The following KRTAP4-2 variants were observed in gnomAD, a reference collection of about 807,000 sequenced individuals.
KRTAP4-2 encodes keratin-associated protein 4-2.
For missense variants in KRTAP4-2, 178 were observed against 177.3 expected (o/e 1.00, Z -0.02); for synonymous variants, 56 against 63.5 (o/e 0.88, Z 0.56).
chr17:41,177,713 G>A lies in KRTAP4-2; in HGVS notation c.*41C>T, dbSNP rs746246443. The stretch of plus-strand genomic sequence containing the variant: ...TCAGTTCACAGGTGGATCATATCAA[G>A]AATGCTGGTTAATAAAGGCAGGTGA... On this transcript the variant is annotated 3_prime_UTR_variant, in exon 1 of 1. Coordinates refer to ENST00000377726, the MANE Select transcript of KRTAP4-2 (RefSeq NM_033062.4). 1 of 1,594,608 alleles carries A rather than the reference G, an allele frequency of 6.3e-7. No individual in the cohort carries two copies. Among genetic ancestry groups the A allele is most frequent in the East Asian group, 2.2e-5 (1 of 44,738 alleles).
At position 41,178,008 on chromosome 17, in the gene KRTAP4-2, A is replaced by C. The variant is rs1011388570; in HGVS notation, c.157T>G (p.Ser53Ala). The change falls in exon 1 of 1, where the codon TCT becomes GCT. Residue 53 changes from serine (S) to alanine (A), a missense_variant. Coordinates refer to ENST00000377726, the MANE Select transcript of KRTAP4-2 (RefSeq NM_033062.4). Reference protein sequence around the residue: ...SSCCRPQCCQSVCCQPTCCSP... With the variant: ...SSCCRPQCCQAVCCQPTCCSP... ...CAGCAGGTGGGCTGGCAGCACACAG[A>C]CTGGCAGCACTGCGGTCTGCAGCAG... 1 of 1,602,574 alleles carries C rather than the reference A, an allele frequency of 6.2e-7. No homozygotes were observed.
rs533654277 is a variant in KRTAP4-2 at position 41,177,945 on chromosome 17, T to C, written c.220A>G (p.Thr74Ala). ...SCCQTTCCRT[T>A]CCRPSCCVSS... Reference sequence around the variant, plus strand: ...ACACAGCAGCTGGGACGGCAGCAGGTGGTCCTGCAGCAAGTGGTCTGGCAG... The same window carrying C: ...ACACAGCAGCTGGGACGGCAGCAGGCGGTCCTGCAGCAAGTGGTCTGGCAG... Residue 74 changes from threonine (T) to alanine (A), a missense_variant, in exon 1 of 1, where the codon ACC (threonine) becomes GCC (alanine). Physicochemically the swap from Thr to Ala is moderately conservative, Grantham distance 58. Coordinates refer to ENST00000377726, the MANE Select transcript of KRTAP4-2 (RefSeq NM_033062.4). The C allele has an allele frequency of 6.2e-7, 1 of 1,612,238 alleles. No individual in the cohort carries two copies. Among genetic ancestry groups the C allele is most frequent in the East Asian group, 2.2e-5 (1 of 44,828 alleles).
Position 41,177,833 on chromosome 17 carries a change from C to G in KRTAP4-2, c.332G>C (p.Cys111Ser). 1 of 1,610,906 alleles carries G rather than the reference C, an allele frequency of 6.2e-7. No homozygotes were observed. Among genetic ancestry groups the G allele is most frequent in the Non-Finnish European group, 8.5e-7 (1 of 1,179,110 alleles). The change falls in exon 1 of 1, where the codon TGC (cysteine) becomes TCC (serine). Residue 111 changes from cysteine (C) to serine (S), a missense_variant. Transcript: ENST00000377726. ...GCTGGGGCGGTAGCAGGTGGTCCTG[C>G]AGCAGGTGGTCTGGCCACAGCTGGG... Reference protein sequence around the residue: ...CRPSCGQTTCCRTTCYRPSCC... With the variant: ...CRPSCGQTTCSRTTCYRPSCC...
chr17:41,178,021 C>T lies in KRTAP4-2; in HGVS notation c.144G>A (p.Pro48=), dbSNP rs201015994. The change falls in exon 1 of 1, where the codon CCG becomes CCA. Residue 48 remains proline, a synonymous_variant. Transcript: ENST00000377726. The part of the protein sequence containing the change: ...PSCCVSSCCR[P]QCCQSVCCQP... The stretch of plus-strand genomic sequence containing the variant: ...GGCAGCACACAGACTGGCAGCACTG[C>T]GGTCTGCAGCAGCTGGACACACAGC... 9.8e-6 allele frequency: 15 copies of T among 1,524,898 alleles called. No homozygotes were observed. Among genetic ancestry groups the T allele is most frequent in the Admixed American group, 4.1e-5 (2 of 49,218 alleles). The allele number at this position is 1,524,898 out of a possible 1,614,324, so 94.5% of individuals were successfully genotyped here.
In KRTAP4-2 at chr17:41,177,511, T is replaced by C; in HGVS notation, c.*243A>G. The C allele has an allele frequency of 4.8e-6, 3 of 622,650 alleles. No individual in the cohort carries two copies. Among genetic ancestry groups the C allele is most frequent in the Non-Finnish European group, 5.4e-6 (2 of 369,552 alleles). The allele number at this position is 622,650 out of a possible 1,614,324, so 38.6% of individuals were successfully genotyped here. A position where few individuals can be genotyped will look rare whatever the true frequency, so the allele number is the denominator to read the frequency against. ...AGGAATAGCTCCATGTGATAAATTATGGTAGAGAGCAAATATTTCAATTCA... is the reference window on the plus strand; with the variant it reads ...AGGAATAGCTCCATGTGATAAATTACGGTAGAGAGCAAATATTTCAATTCA... On this transcript the variant is annotated 3_prime_UTR_variant, in exon 1 of 1. Transcript: ENST00000377726.
In KRTAP4-2 at chr17:41,177,748, AG is replaced by A; in HGVS notation, c.*5del. The A allele has an allele frequency of 6.2e-7, 1 of 1,612,400 alleles. No homozygotes were observed. Among genetic ancestry groups the A allele is most frequent in the Non-Finnish European group, 8.5e-7 (1 of 1,179,146 alleles). The stretch of plus-strand genomic sequence containing the variant: ...TAATAAAGGCAGGTGAGTATAGGTG[AG>A]GGCATCAGCAGCAAGAGCCACTAGA... On this transcript the variant is annotated 3_prime_UTR_variant, in exon 1 of 1. Transcript: ENST00000377726.
Position 41,177,715 on chromosome 17 carries a change from A to T in KRTAP4-2, c.*39T>A. ...AGTTCACAGGTGGATCATATCAAGA[A>T]TGCTGGTTAATAAAGGCAGGTGAGT... On this transcript the variant is annotated 3_prime_UTR_variant, in exon 1 of 1. Transcript: ENST00000377726. 1 of 1,596,372 alleles carries T rather than the reference A, an allele frequency of 6.3e-7. No individual in the cohort carries two copies. Among genetic ancestry groups the T allele is most frequent in the South Asian group, 1.1e-5 (1 of 87,844 alleles).
chr17:41,178,097 G>A lies in KRTAP4-2; in HGVS notation c.68C>T (p.Pro23Leu). 6.2e-7 allele frequency: 1 copy of A among 1,614,164 alleles called. No individual in the cohort carries two copies. Among genetic ancestry groups the A allele is most frequent in the South Asian group, 1.1e-5 (1 of 91,082 alleles). ...GCAGCAGGTGGTCTGGCAGCAGCTG[G>A]GACGGCAGCAGTTCTCTAGGCCACA... ...QGCGLENCCR[P>L]SCCQTTCCRT... Residue 23 changes from proline to leucine, a missense_variant, in exon 1 of 1, where the codon CCC becomes CTC. Physicochemically the swap from Pro to Leu is moderately conservative, Grantham distance 98. Coordinates refer to ENST00000377726, the MANE Select transcript of KRTAP4-2 (RefSeq NM_033062.4).
In KRTAP4-2 at chr17:41,178,129, G is replaced by C. The variant is rs533545964; in HGVS notation, c.36C>G (p.Asp12Glu). 4 of 1,613,988 alleles carry C rather than the reference G, an allele frequency of 2.5e-6. No individual in the cohort carries two copies. Among genetic ancestry groups the C allele is most frequent in the East Asian group, 4.5e-5 (2 of 44,882 alleles). ...VNSCCGSVCS[D>E]QGCGLENCCR... is the part of the protein sequence containing the mutation. Reference sequence around the variant, plus strand: ...AGCAGTTCTCTAGGCCACAGCCCTGGTCAGAGCACACAGAGCCACAACAGG... The same window carrying C: ...AGCAGTTCTCTAGGCCACAGCCCTGCTCAGAGCACACAGAGCCACAACAGG... The change falls in exon 1 of 1, where the codon GAC becomes GAG. Residue 12 changes from aspartate (D) to glutamate (E), a missense_variant. Coordinates refer to ENST00000377726, the MANE Select transcript of KRTAP4-2 (RefSeq NM_033062.4).
Position 41,177,901 on chromosome 17 carries a change from G to T in KRTAP4-2, c.264C>A (p.Pro88=). 6.4e-7 allele frequency: 1 copy of T among 1,573,876 alleles called. No homozygotes were observed. Among genetic ancestry groups the T allele is most frequent in the Non-Finnish European group, 8.6e-7 (1 of 1,159,510 alleles). The part of the protein sequence containing the change: ...PSCCVSSCFR[P]QCCQSVYCQP... ...GGCAGTACACAGACTGGCAGCACTGGGGTCTGAAGCAGCTGGACACACAGC... is the reference window on the plus strand; with the variant it reads ...GGCAGTACACAGACTGGCAGCACTGTGGTCTGAAGCAGCTGGACACACAGC... Residue 88 remains proline, a synonymous_variant, in exon 1 of 1, where the codon CCC becomes CCA. Coordinates refer to ENST00000377726, the MANE Select transcript of KRTAP4-2 (RefSeq NM_033062.4).
chr17:41,178,048 G>C lies in KRTAP4-2; in HGVS notation c.117C>G (p.Ser39Arg). Residue 39 changes from serine (S) to arginine (R), a missense_variant, in exon 1 of 1, where the codon AGC becomes AGG. Physicochemically the swap from Ser to Arg is moderately radical, Grantham distance 110. Coordinates refer to ENST00000377726, the MANE Select transcript of KRTAP4-2 (RefSeq NM_033062.4). Reference sequence around the variant, plus strand: ...GTCTGCAGCAGCTGGACACACAGCAGCTGGGGCGGCAGCAGGTGGTCCTGC... The same window carrying C: ...GTCTGCAGCAGCTGGACACACAGCACCTGGGGCGGCAGCAGGTGGTCCTGC... ...TCCRTTCCRP[S>R]CCVSSCCRPQ... is the part of the protein sequence containing the mutation. 1 of 1,613,276 alleles carries C rather than the reference G, an allele frequency of 6.2e-7. No individual in the cohort carries two copies. The highest frequency in any genetic ancestry group is 8.5e-7 in the Non-Finnish European group (1 of 1,179,708).
At position 41,177,886 on chromosome 17, in the gene KRTAP4-2, A is replaced by G; in HGVS notation, c.279T>C (p.Ser93=). The G allele has an allele frequency of 6.3e-7, 1 of 1,578,132 alleles. No homozygotes were observed. The highest frequency in any genetic ancestry group is 8.6e-7 in the Non-Finnish European group (1 of 1,161,328). Reference sequence around the variant, plus strand: ...GGCAGCAGGTGGGCTGGCAGTACACAGACTGGCAGCACTGGGGTCTGAAGC... The same window carrying G: ...GGCAGCAGGTGGGCTGGCAGTACACGGACTGGCAGCACTGGGGTCTGAAGC... ...SSCFRPQCCQ[S]VYCQPTCCRP... The change falls in exon 1 of 1, where the codon TCT becomes TCC. Residue 93 remains serine (S), a synonymous_variant. Transcript: ENST00000377726.
Position 41,177,992 on chromosome 17 carries a change from G to A in KRTAP4-2, c.173C>T (p.Pro58Leu), listed in dbSNP as rs751220207. Residue 58 changes from proline (P) to leucine (L), a missense_variant, in exon 1 of 1, where the codon CCC becomes CTC. Coordinates refer to ENST00000377726, the MANE Select transcript of KRTAP4-2 (RefSeq NM_033062.4). Reference protein sequence around the residue: ...PQCCQSVCCQPTCCSPSCCQT... With the variant: ...PQCCQSVCCQLTCCSPSCCQT... ...GCAGCAGCTGGGGCTGCAGCAGGTGGGCTGGCAGCACACAGACTGGCAGCA... is the reference window on the plus strand; with the variant it reads ...GCAGCAGCTGGGGCTGCAGCAGGTGAGCTGGCAGCACACAGACTGGCAGCA... 2 of 1,603,742 alleles carry A rather than the reference G, an allele frequency of 1.2e-6. No individual in the cohort carries two copies. Among genetic ancestry groups the A allele is most frequent in the Non-Finnish European group, 1.7e-6 (2 of 1,173,406 alleles).
At position 41,177,657 on chromosome 17, in the gene KRTAP4-2, A is replaced by G; in HGVS notation, c.*97T>C. The G allele has an allele frequency of 6.5e-7, 1 of 1,543,410 alleles. No individual in the cohort carries two copies. Among genetic ancestry groups the G allele is most frequent in the Non-Finnish European group, 8.8e-7 (1 of 1,139,768 alleles). On this transcript the variant is annotated 3_prime_UTR_variant, in exon 1 of 1. Transcript: ENST00000377726. Reference sequence around the variant, plus strand: ...CAAACTCAATCCAAGAATTGGTTGGAACTGAGGTTGTCCAATTGGCCTTGC... The same window carrying G: ...CAAACTCAATCCAAGAATTGGTTGGGACTGAGGTTGTCCAATTGGCCTTGC...
rs1276490689 is a variant in KRTAP4-2, at chr17:41,178,076, C to T, written c.89G>A (p.Cys30Tyr). The T allele has an allele frequency of 6.2e-7, 1 of 1,613,930 alleles. No individual in the cohort carries two copies. Among genetic ancestry groups the T allele is most frequent in the Non-Finnish European group, 8.5e-7 (1 of 1,179,984 alleles). ...GGGGCGGCAGCAGGTGGTCCTGCAG[C>T]AGGTGGTCTGGCAGCAGCTGGGACG... Reference protein sequence around the residue: ...CCRPSCCQTTCCRTTCCRPSC... With the variant: ...CCRPSCCQTTYCRTTCCRPSC... Residue 30 changes from cysteine to tyrosine, a missense_variant, in exon 1 of 1, where the codon TGC (cysteine) becomes TAC (tyrosine). Cys to Tyr is a radical substitution (Grantham distance 194). Coordinates refer to ENST00000377726, the MANE Select transcript of KRTAP4-2 (RefSeq NM_033062.4).
chr17:41,177,777 A>T lies in KRTAP4-2; in HGVS notation c.388T>A (p.Cys130Ser). The T allele has an allele frequency of 1.2e-6, 2 of 1,613,916 alleles. No homozygotes were observed. The highest frequency in any genetic ancestry group is 1.7e-6 in the Non-Finnish European group (2 of 1,179,914). ...CCVSTCCRPT[C>S]SSGSCC ...CATCAGCAGCAAGAGCCACTAGAGC[A>T]GGTTGGGCGGCAGCAGGTGGACACA... is the stretch of plus-strand genomic sequence containing the variant. The change falls in exon 1 of 1, where the codon TGC becomes AGC. Residue 130 changes from cysteine to serine, a missense_variant. Coordinates refer to ENST00000377726, the MANE Select transcript of KRTAP4-2 (RefSeq NM_033062.4).
chr17:41,177,502 G>A lies in KRTAP4-2; in HGVS notation c.*252C>T. Reference sequence around the variant, plus strand: ...TTAAGATAGAGGAATAGCTCCATGTGATAAATTATGGTAGAGAGCAAATAT... The same window carrying A: ...TTAAGATAGAGGAATAGCTCCATGTAATAAATTATGGTAGAGAGCAAATAT... On this transcript the variant is annotated 3_prime_UTR_variant, in exon 1 of 1. Coordinates refer to ENST00000377726, the MANE Select transcript of KRTAP4-2 (RefSeq NM_033062.4). 3 of 601,718 alleles carry A rather than the reference G, an allele frequency of 5.0e-6. No individual in the cohort carries two copies. Among genetic ancestry groups the A allele is most frequent in the Non-Finnish European group, 8.4e-6 (3 of 355,050 alleles). The allele number at this position is 601,718 out of a possible 1,614,324, so 37.3% of individuals were successfully genotyped here. A position where few individuals can be genotyped will look rare whatever the true frequency, so the allele number is the denominator to read the frequency against.
In KRTAP4-2 at chr17:41,178,056, G is replaced by A. The variant is rs368267744; in HGVS notation, c.109C>T (p.Arg37Cys). 39 of 1,613,680 alleles carry A rather than the reference G, an allele frequency of 2.4e-5. No individual in the cohort carries two copies. Among genetic ancestry groups the A allele is most frequent in the Middle Eastern group, 1.6e-4 (1 of 6,082 alleles). Residue 37 changes from arginine (R) to cysteine (C), a missense_variant, in exon 1 of 1, where the codon CGC becomes TGC. By Grantham distance (180) the Arg-to-Cys change is radical. Coordinates refer to ENST00000377726, the MANE Select transcript of KRTAP4-2 (RefSeq NM_033062.4). ...QTTCCRTTCC[R>C]PSCCVSSCCR... ...CAGCTGGACACACAGCAGCTGGGGC[G>A]GCAGCAGGTGGTCCTGCAGCAGGTG...
rs547820826 is a variant in KRTAP4-2 at position 41,178,207 on chromosome 17, G to A, written c.-43C>T. ...GTTCTGGGTGGATTTCCAGGAAGGT[G>A]GGTTTGGAAGGTTTGGAAGTTTCCT... On this transcript the variant is annotated 5_prime_UTR_variant, in exon 1 of 1. Transcript: ENST00000377726. 6.3e-7 allele frequency: 1 copy of A among 1,580,598 alleles called. No individual in the cohort carries two copies.
Sources: allele counts gnomAD v4.1 joint callset, GRCh38; gene constraint gnomAD v4.1.1; transcripts MANE v1.5; gene names NCBI Gene and HGNC (gene_info 2026-07-23, HGNC 2026-07-21).